The following OPCML variants were observed in gnomAD, a reference collection of about 807,000 sequenced individuals.
OPCML encodes opioid binding protein/cell adhesion molecule like.
In OPCML, 13 loss-of-function variants were observed where a neutral mutation model predicts 37.8. That is an observed-to-expected ratio of 0.34 (90% CI 0.22 to 0.55). The LOEUF is 0.55. Among genes scored for constraint, OPCML ranks in the 20% least tolerant of loss-of-function variants. OPCML has a pLI of 0.91. For missense variants in OPCML, 341 were observed against 435.6 expected (o/e 0.78, Z 1.93); for synonymous variants, 176 against 168.8 (o/e 1.04, Z -0.33).
intron 3 of OPCML, among the ~76,000 whole-genome samples, chr11:132,544,070 G>T (rs1266813250): frequency 1.3e-5 from 2 of 151,976 alleles, no homozygotes; most frequent in Admixed American, 1.3e-4. Context: ...TTTTATTAAA[G>T]CTTTTTAAAT....
chr11:132,622,267 A>G (rs569949802), intron 3 of OPCML, among the ~76,000 whole-genome samples: 106 of 152,274 alleles, frequency 7.0e-4, no homozygotes, highest in Non-Finnish European at 1.2e-3. Flanking sequence ...ATAACAATGA[A>G]TAGAGGGGAA....
intron 1 of OPCML, among the ~76,000 whole-genome samples, chr11:133,493,919 C>T (rs1947722477): frequency 6.6e-6 from 1 of 151,710 alleles, no homozygotes; most frequent in Non-Finnish European, 1.5e-5. Context: ...TCAGAGTGAA[C>T]AGGCAACCCA....
At chr11:132,907,136 T>C (rs1471908988) in intron 2 of OPCML, among the ~76,000 whole-genome samples, 1 of 152,142 alleles carries the variant, frequency 6.6e-6, no homozygotes, top group South Asian at 2.1e-4. Context: ...CTTCAAAAAT[T>C]GTTTTCTATC....
chr11:133,485,045 A>T (rs2120382436), intron 1 of OPCML, among the ~76,000 whole-genome samples: 1 of 152,274 alleles, frequency 6.6e-6, no homozygotes, highest in Admixed American at 6.5e-5. Context: ...AAAAAAGAAT[A>T]TCCAGTACTA....
intron 1 of OPCML, among the ~76,000 whole-genome samples, chr11:133,191,526 T>G (rs1409588482): frequency 4.0e-5 from 6 of 151,876 alleles, no homozygotes; most frequent in Non-Finnish European, 8.8e-5. Context: ...TGTGTGTGTG[T>G]GTGTGTGTGT....
At chr11:132,877,770 A>G (rs1943075068) in intron 2 of OPCML, among the ~76,000 whole-genome samples, 1 of 152,184 alleles carries the variant, frequency 6.6e-6, no homozygotes, top group Admixed American at 6.6e-5. Flanking sequence ...GGGTCATGCA[A>G]AACAGCTTTT....
At chr11:132,815,410 A>G (rs1419065295) in intron 2 of OPCML, among the ~76,000 whole-genome samples, 1 of 152,222 alleles carries the variant, frequency 6.6e-6, no homozygotes, top group African/African-American at 2.4e-5. Flanking sequence ...TCAGACAAAA[A>G]TAATAGATTA....
At chr11:132,499,415 C>T (rs779086719) in intron 4 of OPCML, among the ~76,000 whole-genome samples, 6 of 152,090 alleles carry the variant, frequency 3.9e-5, no homozygotes, top group African/African-American at 9.7e-5. Flanking sequence ...ATCACTATGC[C>T]GTAGGTTTCC....
At chr11:132,557,957 AG>A (rs1203948981) in intron 3 of OPCML, among the ~76,000 whole-genome samples, 1 of 152,164 alleles carries the variant, frequency 6.6e-6, no homozygotes, top group Non-Finnish European at 1.5e-5. Context: ...GTCTTCTATC[AG>A]GTGGAACAAA....
At chr11:133,421,875 A>T (rs751502949) in intron 1 of OPCML, 3 of 602,208 alleles carry the variant, frequency 5.0e-6, no homozygotes, top group Non-Finnish European at 6.3e-6. Flanking sequence ...TGACCCACAG[A>T]AACAGTGAGA....
intron 1 of OPCML, among the ~76,000 whole-genome samples, chr11:133,234,195 T>C (rs528427936): frequency 6.6e-6 from 1 of 152,186 alleles, no homozygotes; most frequent in East Asian, 1.9e-4. Flanking sequence ...TCCAGATCCA[T>C]TTTTAAAATT....
intron 1 of OPCML, among the ~76,000 whole-genome samples, chr11:133,232,497 AGGACTTGGAG>A (rs1274539495): frequency 1.3e-5 from 2 of 152,194 alleles, no homozygotes; most frequent in Non-Finnish European, 2.9e-5. Context: ...GACAGTTATT[AGGACTTGGAG>A]TAAAGTGAAG....
In OPCML at chr11:133,212,692, T is replaced by C. The variant is rs551820017; in HGVS notation, c.62-269682A>G. ...GTCTGTCCTCTGCTAGAACAGAGGCTCCATGATTATATGGCTCTGTGTCTA... is the reference window on the plus strand; with the variant it reads ...GTCTGTCCTCTGCTAGAACAGAGGCCCCATGATTATATGGCTCTGTGTCTA... On this transcript the variant is annotated intron_variant, in intron 1 of 7. Transcript: ENST00000524381. The surrounding 1 kb of genome is among the most constrained non-coding windows in gnomAD (Gnocchi z 4.9). Among the ~76,000 whole-genome samples the C allele has an allele frequency of 1.3e-5, 2 of 152,220 alleles. No homozygotes were observed. Among genetic ancestry groups the C allele is most frequent in the Non-Finnish European group, 2.9e-5 (2 of 68,042 alleles).
At chr11:133,220,449 G>A (rs886641851) in intron 1 of OPCML, among the ~76,000 whole-genome samples, 4 of 152,164 alleles carry the variant, frequency 2.6e-5, no homozygotes, top group African/African-American at 9.7e-5. Flanking sequence ...GGGCTCTACT[G>A]CTGCCAGACA....
chr11:133,496,061 T>G (rs184222790), intron 1 of OPCML, among the ~76,000 whole-genome samples: 1 of 152,344 alleles, frequency 6.6e-6, no homozygotes, highest in East Asian at 1.9e-4. Flanking sequence ...TTAATCCACC[T>G]TGAGTTGACT....
At chr11:133,008,340 G>T in intron 1 of OPCML, 4 of 985,378 alleles carry the variant, frequency 4.1e-6, no homozygotes, top group Non-Finnish European at 4.8e-6. Context: ...ATGGGAAAGA[G>T]ACCTGAAAGG....
chr11:133,080,576 C>T (rs530020166), intron 1 of OPCML, among the ~76,000 whole-genome samples: 1 of 151,702 alleles, frequency 6.6e-6, no homozygotes, highest in East Asian at 1.9e-4. Context: ...GAGAGGACAC[C>T]CCCAGGTCTG....
At chr11:132,891,242 T>G (rs143466108) in intron 2 of OPCML, among the ~76,000 whole-genome samples, 432 of 152,302 alleles carry the variant, frequency 2.8e-3, no homozygotes, top group Non-Finnish European at 5.1e-3. Flanking sequence ...CACTGATAAC[T>G]ATTTTTACAT....
intron 2 of OPCML, among the ~76,000 whole-genome samples, chr11:132,728,388 T>C (rs1384105712): frequency 6.6e-6 from 1 of 152,074 alleles, no homozygotes. Flanking sequence ...AAGGCATCGT[T>C]TGGGTGTGCA....
Sources: gnomAD v4.1 joint callset for allele counts (sites outside exome capture counted in the v4.1 genomes callset) on GRCh38, gnomAD v4.1.1 for gene constraint, Gnocchi (gnomAD v3.1) non-coding constraint, MANE v1.5 for transcripts, NCBI Gene and HGNC (gene_info 2026-07-23, HGNC 2026-07-21) for gene names.